The following RBBP7 variants were observed in gnomAD, a reference collection of about 807,000 sequenced individuals.
The protein encoded by RBBP7 is RB binding protein 7, chromatin remodeling factor.
RBBP7 carries 5 observed loss-of-function variants against 35.2 expected under a neutral mutation model. That is an observed-to-expected ratio of 0.14 (90% CI 0.07 to 0.30). The LOEUF (loss-of-function observed/expected upper bound fraction) is 0.30, where lower values mean the gene tolerates loss of function less well. RBBP7 is among the 10% of genes least tolerant of loss of function. The pLI is 1.00. For synonymous variants in RBBP7, 140 were observed against 118.7 expected (o/e 1.18, Z -1.17); for missense variants, 155 against 327.5 (o/e 0.47, Z 4.07).
Position 16,844,489 on chromosome X carries a change from T to C in RBBP7, c.*546A>G, listed in dbSNP as rs886109673. 1.8e-5 allele frequency: 2 copies of C among 111,740 alleles called. No homozygotes were observed. The highest frequency in any genetic ancestry group is 6.5e-5 in the African/African-American group (2 of 30,687). The allele number at this position is 111,740 out of a possible 1,213,427, so 9.2% of individuals were successfully genotyped here. On this transcript the variant is annotated 3_prime_UTR_variant, in exon 12 of 12. Coordinates refer to ENST00000380087, the MANE Select transcript of RBBP7 (RefSeq NM_002893.4). The stretch of plus-strand genomic sequence containing the variant: ...CTGATTTTATCTACTTGATTCTGTA[T>C]AGATTAAGTAAATATGTATGATAAA...
Position 16,869,260 on chromosome X carries a change from AT to A in RBBP7, c.17-41del, listed in dbSNP as rs778933046. 5.1e-6 allele frequency: 6 copies of A among 1,181,676 alleles called. No homozygotes were observed. In the African/African-American group the frequency reaches 1.1e-4, roughly 21 times the overall value. ...AAGCCCACACGATTAAGTGGCTGAG[AT>A]AGATCAAAGTCAGAAATTGGAGGTC... On this transcript the variant is annotated intron_variant, in intron 1 of 11. Transcript: ENST00000380087.
chrX:16,854,519 A>G (rs776967276), intron 5 of RBBP7, among the ~76,000 whole-genome samples: 10 of 111,376 alleles, frequency 9.0e-5, no homozygotes, highest in African/African-American at 2.9e-4. Flanking sequence ...GCACATCCTA[A>G]AAGTTTACAC....
rs1392434119 is a variant in RBBP7, at chrX:16,866,571, CAAGA to C, written c.161+2501_161+2504del. Among the ~76,000 whole-genome samples the C allele has an allele frequency of 2.9e-3, 271 of 92,555 alleles. 1 individual carries two copies. The highest frequency in any genetic ancestry group is 0.01 in the African/African-American group (236 of 23,418). 80.4% of individuals were successfully genotyped at this position (92,555 alleles called of 115,157 possible). On this transcript the variant is annotated intron_variant, in intron 2 of 11. Transcript: ENST00000380087. ...AAAAAAAAAAAAGAAAGAAAGAAAG[CAAGA>C]AAGCAAGAAAGCAAGCCAGCCAGCC...
intron 1 of RBBP7, 86 bp downstream of exon 1, chrX:16,869,952 C>G (rs2147533512): frequency 1.3e-6 from 1 of 751,418 alleles, no homozygotes; most frequent in Non-Finnish European, 1.6e-6. Flanking sequence ...CACGCCAATT[C>G]GCGCCTTTCG....
chrX:16,853,192 G>A (rs1930252004), intron 6 of RBBP7: 1 of 237,416 alleles, frequency 4.2e-6, no homozygotes, highest in East Asian at 7.5e-5. Context: ...TTTGACAAAT[G>A]CCCAGTATTT....
intron 2 of RBBP7, among the ~76,000 whole-genome samples, chrX:16,866,523 CAAAAAAAAAAAAAAAAAAAAAA>C (rs55729039): frequency 1.8e-4 from 6 of 32,594 alleles, no homozygotes; most frequent in Non-Finnish European, 2.5e-4. Flanking sequence ...GAGACTGTCT[CAAAAAAAAAAAAAAAAAAAAAA>C]AAAAAAAAAA....
At position 16,852,645 on chromosome X, in the gene RBBP7, A is replaced by G. The variant is rs771061288; in HGVS notation, c.886-17T>C. Reference sequence around the variant, plus strand: ...AGCTACGGTCTAAAGAAAAATAACAAGTGAAAATGATTTCTATGCTTTACC... The same window carrying G: ...AGCTACGGTCTAAAGAAAAATAACAGGTGAAAATGATTTCTATGCTTTACC... On this transcript the variant is annotated splice_polypyrimidine_tract_variant and intron_variant, in intron 7 of 11. Coordinates refer to ENST00000380087, the MANE Select transcript of RBBP7 (RefSeq NM_002893.4). The G allele has an allele frequency of 8.3e-7, 1 of 1,208,763 alleles. No individual in the cohort carries two copies. Among genetic ancestry groups the G allele is most frequent in the Non-Finnish European group, 1.1e-6 (1 of 893,856 alleles).
chrX:16,869,579 C>G, intron 1 of RBBP7: 1 of 1,166,875 alleles, frequency 8.6e-7, no homozygotes, highest in South Asian at 1.9e-5. Context: ...GCCCACAGGC[C>G]TGGTCTCTCC....
chrX:16,852,015 T>A, intron 9 of RBBP7, 31 bp downstream of exon 9: 1 of 1,146,301 alleles, frequency 8.7e-7, no homozygotes, highest in Non-Finnish European at 1.2e-6. Flanking sequence ...GGCACATTTA[T>A]GCAGTATCTT....
intron 3 of RBBP7, among the ~76,000 whole-genome samples, chrX:16,861,125 G>A (rs1229207312): frequency 8.9e-6 from 1 of 111,907 alleles, no homozygotes; most frequent in Non-Finnish European, 1.9e-5. Context: ...AGTGAGCCGA[G>A]ATTGCACCAC....
intron 4 of RBBP7, among the ~76,000 whole-genome samples, chrX:16,858,335 C>T (rs1367952511): frequency 8.9e-6 from 1 of 111,977 alleles, no homozygotes; most frequent in African/African-American, 3.3e-5. Context: ...ACATTTAGCA[C>T]ATGTTCCTAT....
intron 5 of RBBP7, among the ~76,000 whole-genome samples, chrX:16,854,184 A>G (rs1930288211): frequency 8.9e-6 from 1 of 112,254 alleles, no homozygotes. Context: ...GTGCCCGGTC[A>G]AGAGATTGAA....
At chrX:16,864,520 C>G (rs1400288675) in intron 2 of RBBP7, among the ~76,000 whole-genome samples, 1 of 65,248 alleles carries the variant, frequency 1.5e-5, no homozygotes, top group African/African-American at 7.4e-5. Context: ...AGTGAAACTC[C>G]GTCTCCAAAA....
chrX:16,853,917 G>C, intron 5 of RBBP7, 75 bp from the exon 6 acceptor site: 1 of 871,615 alleles, frequency 1.1e-6, no homozygotes, highest in Non-Finnish European at 1.5e-6. Flanking sequence ...CCTCGAGACA[G>C]TGTCTCAGTC....
At chrX:16,852,416 C>T (rs1027226540) in intron 8 of RBBP7, 135 bp downstream of exon 8, 2 of 700,115 alleles carry the variant, frequency 2.9e-6, no homozygotes, top group Non-Finnish European at 4.6e-6. Flanking sequence ...TGTACCTTAC[C>T]CTATGAGCAT....
Position 16,868,964 on chromosome X carries a change from C to T in RBBP7, c.161+112G>A. On this transcript the variant is annotated intron_variant, in intron 2 of 11. Transcript: ENST00000380087. Reference sequence around the variant, plus strand: ...TTTTGAAAATAAAAACCACCTGCCACCTCATGCAAGGGCTGATTACATACT... The same window carrying T: ...TTTTGAAAATAAAAACCACCTGCCATCTCATGCAAGGGCTGATTACATACT... 3.6e-6 allele frequency: 3 copies of T among 830,884 alleles called. No individual in the cohort carries two copies. In the South Asian group the frequency reaches 9.0e-5, roughly 25 times the overall value. The allele number at this position is 830,884 out of a possible 1,213,427, so 68.5% of individuals were successfully genotyped here.
At chrX:16,852,426 T>C in intron 8 of RBBP7, 125 bp downstream of exon 8, 1 of 746,392 alleles carries the variant, frequency 1.3e-6, no homozygotes. Context: ...CCTATGAGCA[T>C]CTCCATGTAA....
intron 2 of RBBP7, among the ~76,000 whole-genome samples, chrX:16,865,160 G>A (rs1203382473): frequency 9.2e-6 from 1 of 108,171 alleles, no homozygotes; most frequent in Non-Finnish European, 1.9e-5. Context: ...CAAGGCAAGC[G>A]GATTGCTTGA....
intron 2 of RBBP7, among the ~76,000 whole-genome samples, chrX:16,868,277 G>A (rs1202097462): frequency 8.9e-6 from 1 of 111,809 alleles, no homozygotes; most frequent in African/African-American, 3.3e-5. Context: ...AAAGTACATG[G>A]TCAAGTTCCT....
Sources: allele counts gnomAD v4.1 joint callset (sites outside exome capture counted in the v4.1 genomes callset), GRCh38; gene constraint gnomAD v4.1.1; transcripts MANE v1.5; gene names NCBI Gene and HGNC (gene_info 2026-07-23, HGNC 2026-07-21).